Variants in FKRP observed in about 807,000 individuals in gnomAD.
The protein encoded by FKRP is fukutin related protein, also known as ribitol 5-phosphate transferase FKRP.
In FKRP, 25 loss-of-function variants were observed where a neutral mutation model predicts 30.6. That is an observed-to-expected ratio of 0.82 (90% CI 0.60 to 1.14). The LOEUF is 1.14. FKRP is among the 50% of genes most tolerant of loss of function. FKRP has a pLI of 0.00. For synonymous variants in FKRP, 358 were observed against 342.5 expected, an observed-to-expected ratio of 1.05 and a Z score of -0.50; for missense variants, 771 against 727.8, an observed-to-expected ratio of 1.06 and a Z score of -0.68.
Position 46,755,869 on chromosome 19 carries a change from T to C in FKRP, c.419T>C (p.Leu140Pro). Residue 140 changes from leucine to proline, a missense_variant, in exon 4 of 4, where the codon CTG becomes CCG. Coordinates refer to ENST00000318584, the MANE Select transcript of FKRP (RefSeq NM_024301.5). ...PDGARAEAPG[L>P]LERMVEALRA... is the part of the protein sequence containing the mutation. ...GGGGCGCGGGCTGAGGCACCTGGCC[T>C]GCTGGAGCGCATGGTGGAGGCGCTC... 2 of 1,491,996 alleles carry C rather than the reference T, an allele frequency of 1.3e-6. No individual in the cohort carries two copies. The highest frequency in any genetic ancestry group is 1.8e-6 in the Non-Finnish European group (2 of 1,123,936). 92.4% of individuals were successfully genotyped at this position (1,491,996 alleles called of 1,614,324 possible).
At position 46,756,932 on chromosome 19, in the gene FKRP, C is replaced by A. The variant is rs373244438; in HGVS notation, c.1482C>A (p.Ser494Arg). 5 of 1,612,716 alleles carry A rather than the reference C, an allele frequency of 3.1e-6. No homozygotes were observed. The African/African-American group carries it at 5.3e-5, about 17-fold the overall frequency. The change falls in exon 4 of 4, where the codon AGC becomes AGA. Residue 494 changes from serine (S) to arginine (R), a missense_variant. Coordinates refer to ENST00000318584, the MANE Select transcript of FKRP (RefSeq NM_024301.5). This position sits in a 1 kb window ranked among gnomAD's most constrained non-coding sequence, Gnocchi z 6.6. ...CGGCACTGCTGAGTCTGACGGGAAG[C>A]GGCTGAAGCCCTGATAACCTCGCCT... ...PNPALLSLTG[S>R]G
intron 3 of FKRP, among the ~76,000 whole-genome samples, chr19:46,752,245 A>G (rs555796673): frequency 6.6e-6 from 1 of 152,320 alleles, no homozygotes; most frequent in South Asian, 2.1e-4. Context: ...TGAGGAACAG[A>G]CCACAGGAAC....
rs1434846732 is a variant in FKRP at position 46,755,958 on chromosome 19, G to C, written c.508G>C (p.Ala170Pro). The C allele has an allele frequency of 1.3e-6, 2 of 1,537,732 alleles. No individual in the cohort carries two copies. The highest frequency in any genetic ancestry group is 3.9e-5 in the Admixed American group (2 of 51,126). ...CACGGCCAACCCTGCCAGGTGCCTGGCCCTGAACGTCAGCCTGCGAGAGTG... is the reference window on the plus strand; with the variant it reads ...CACGGCCAACCCTGCCAGGTGCCTGCCCCTGAACGTCAGCCTGCGAGAGTG... ...VATANPARCL[A>P]LNVSLREWTA... is the part of the protein sequence containing the mutation. The change falls in exon 4 of 4, where the codon GCC becomes CCC. Residue 170 changes from alanine to proline, a missense_variant. By Grantham distance (27) the Ala-to-Pro change is conservative. Transcript: ENST00000318584.
chr19:46,747,358 C>G (rs1217893327), intron 1 of FKRP: 1 of 151,802 alleles, frequency 6.6e-6, no homozygotes, highest in East Asian at 1.9e-4. Flanking sequence ...TTCGAGTGAC[C>G]CTAGGAACCA....
At position 46,746,104 on chromosome 19, in the gene FKRP, G is replaced by T; in HGVS notation, c.-253+14G>T. On this transcript the variant is annotated intron_variant, in intron 1 of 3. Transcript: ENST00000318584. ...CGGCGGCAGCGGGTGAGGCCGGGCC[G>T]GGCCGGGCCGGGTTGGGGGTCGGGG... 1 of 1,421,266 alleles carries T rather than the reference G, an allele frequency of 7.0e-7. No homozygotes were observed. Among genetic ancestry groups the T allele is most frequent in the Non-Finnish European group, 9.2e-7 (1 of 1,087,982 alleles). 88.0% of individuals were successfully genotyped at this position (1,421,266 alleles called of 1,614,324 possible).
Position 46,756,341 on chromosome 19 carries a change from C to A in FKRP, c.891C>A (p.Phe297Leu), listed in dbSNP as rs1473348553. 1 of 1,558,658 alleles carries A rather than the reference C, an allele frequency of 6.4e-7. No homozygotes were observed. The highest frequency in any genetic ancestry group is 8.7e-7 in the Non-Finnish European group (1 of 1,155,268). ...GCAACAAGGAGACCACGCGCTGCTTCGGAACCGTGGTGGGCGACACGCCCG... is the reference window on the plus strand; with the variant it reads ...GCAACAAGGAGACCACGCGCTGCTTAGGAACCGTGGTGGGCGACACGCCCG... ...FGCNKETTRCFGTVVGDTPAY... is the reference protein window; with the variant it reads ...FGCNKETTRCLGTVVGDTPAY... The change falls in exon 4 of 4, where the codon TTC (phenylalanine) becomes TTA (leucine). Residue 297 changes from phenylalanine to leucine, a missense_variant. Phe to Leu is a conservative substitution (Grantham distance 22). Coordinates refer to ENST00000318584, the MANE Select transcript of FKRP (RefSeq NM_024301.5). The surrounding 1 kb of genome is among the most constrained non-coding windows in gnomAD (Gnocchi z 6.6).
intron 3 of FKRP, among the ~76,000 whole-genome samples, chr19:46,751,940 G>A (rs892874737): frequency 6.6e-6 from 1 of 152,122 alleles, no homozygotes. Context: ...TGATGGGGGT[G>A]GGGGCCGGCG....
At chr19:46,746,493 A>ACCC (rs376315232) in intron 1 of FKRP, 48 of 681,784 alleles carry the variant, frequency 7.0e-5, no homozygotes, top group African/African-American at 3.7e-4. Flanking sequence ...CCGCGCCAAC[A>ACCC]CCCCCCCCCC....
At position 46,755,633 on chromosome 19, in the gene FKRP, C is replaced by T. The variant is rs759539583; in HGVS notation, c.183C>T (p.Asn61=). The T allele has an allele frequency of 1.2e-6, 2 of 1,601,056 alleles. No individual in the cohort carries two copies. Among genetic ancestry groups the T allele is most frequent in the East Asian group, 2.2e-5 (1 of 44,550 alleles). The change falls in exon 4 of 4, where the codon AAC becomes AAT. Residue 61 remains asparagine, a synonymous_variant. Transcript: ENST00000318584. ...VLVREFEAFD[N]AVPELVDSFL... The stretch of plus-strand genomic sequence containing the variant: ...TGCGGGAGTTCGAGGCATTTGACAA[C>T]GCGGTGCCCGAGCTGGTAGACTCCT...
upstream of FKRP, among the ~76,000 whole-genome samples, chr19:46,745,600 C>T (rs1824800669): frequency 6.6e-6 from 1 of 152,158 alleles, no homozygotes; most frequent in Admixed American, 6.5e-5. Context: ...CCAGCGGGTC[C>T]CAAGTTCCCC....
At position 46,756,852 on chromosome 19, in the gene FKRP, T is replaced by C. The variant is rs1349121323; in HGVS notation, c.1402T>C (p.Phe468Leu). 6.2e-6 allele frequency: 10 copies of C among 1,607,772 alleles called. No homozygotes were observed. The highest frequency in any genetic ancestry group is 8.5e-6 in the Non-Finnish European group (10 of 1,177,624). ...GCAGGCGCCTAACAACTACCGCCGCTTCCTGGAGCTCAAGTTCGGGCCCGG... is the reference window on the plus strand; with the variant it reads ...GCAGGCGCCTAACAACTACCGCCGCCTCCTGGAGCTCAAGTTCGGGCCCGG... ...VAQAPNNYRRFLELKFGPGVI... is the reference protein window; with the variant it reads ...VAQAPNNYRRLLELKFGPGVI... Residue 468 changes from phenylalanine (F) to leucine (L), a missense_variant, in exon 4 of 4, where the codon TTC becomes CTC. Phe to Leu is a conservative substitution (Grantham distance 22). Transcript: ENST00000318584. The surrounding 1 kb of genome is among the most constrained non-coding windows in gnomAD (Gnocchi z 6.6).
At chr19:46,746,040 C>CA, upstream of FKRP, 1 of 1,182,398 alleles carries the variant, frequency 8.5e-7, no homozygotes, top group Non-Finnish European at 1.1e-6. Flanking sequence ...CGCCCCCCCG[C>CA]CGGCCGTCCC....
intron 3 of FKRP, among the ~76,000 whole-genome samples, chr19:46,751,510 C>T (rs2054791011): frequency 6.6e-6 from 1 of 151,548 alleles, no homozygotes; most frequent in South Asian, 2.1e-4. Context: ...TCCCAAGTAG[C>T]TGGGATTACA....
At chr19:46,746,354 G>C in intron 1 of FKRP, 1 of 1,223,656 alleles carries the variant, frequency 8.2e-7, no homozygotes, top group Non-Finnish European at 1.0e-6. Context: ...AGTGGGGCCA[G>C]GGCCCGCGCC....
At chr19:46,749,653 A>C (rs561612841) in intron 3 of FKRP, among the ~76,000 whole-genome samples, 122 of 145,574 alleles carry the variant, frequency 8.4e-4, no homozygotes, top group African/African-American at 2.8e-3. Context: ...TGAACCAGGG[A>C]GTTGGAGGTT....
chr19:46,758,509 A>G lies in FKRP; in HGVS notation c.*1571A>G, dbSNP rs77120601. The G allele has an allele frequency of 6.1e-6, 1 of 164,410 alleles. No homozygotes were observed. The highest frequency in any genetic ancestry group is 1.5e-5 in the Non-Finnish European group (1 of 67,596). The allele number at this position is 164,410 out of a possible 1,614,324, so 10.2% of individuals were successfully genotyped here. ...TATGAATATGAATAGGGTTTTTTTT[A>G]TGTTTCTTGCCTCATCCCAATGACT... On this transcript the variant is annotated 3_prime_UTR_variant, in exon 4 of 4. Transcript: ENST00000318584.
intron 3 of FKRP, among the ~76,000 whole-genome samples, chr19:46,750,198 A>G (rs2054764216): frequency 1.3e-5 from 2 of 152,154 alleles, no homozygotes; most frequent in Admixed American, 1.3e-4. Flanking sequence ...TGCCCCAACG[A>G]AGGGGTTTGT....
chr19:46,749,589 G>A (rs959334042), intron 3 of FKRP, among the ~76,000 whole-genome samples: 3 of 151,524 alleles, frequency 2.0e-5, no homozygotes, highest in African/African-American at 7.3e-5. Flanking sequence ...GCCGGGCATG[G>A]TGGCGCATGC....
intron 3 of FKRP, among the ~76,000 whole-genome samples, chr19:46,750,075 G>A (rs962297760): frequency 1.3e-4 from 20 of 152,046 alleles, no homozygotes; most frequent in African/African-American, 4.6e-4. Flanking sequence ...TATGCCTAAA[G>A]TGCTTAGAAC....
Sources: allele counts gnomAD v4.1 joint callset (sites outside exome capture counted in the v4.1 genomes callset), GRCh38; gene constraint gnomAD v4.1.1; non-coding constraint Gnocchi (gnomAD v3.1); transcripts MANE v1.5; gene names NCBI Gene and HGNC (gene_info 2026-07-23, HGNC 2026-07-21).